The following MESD variants were observed in gnomAD, a reference collection of about 807,000 sequenced individuals.
MESD encodes mesoderm development LRP chaperone.
In MESD, 7 loss-of-function variants were observed where a neutral mutation model predicts 12.9. That is an observed-to-expected ratio of 0.54 (90% CI 0.31 to 1.02). The LOEUF (loss-of-function observed/expected upper bound fraction) is 1.02. Among genes scored for constraint, MESD ranks in the 50% least tolerant of loss-of-function variants. The pLI is 0.05. For synonymous variants in MESD, 126 were observed against 115.6 expected, an observed-to-expected ratio of 1.09 and a Z score of -0.58; for missense variants, 342 against 296.7, an observed-to-expected ratio of 1.15 and a Z score of -1.12.
At chr15:80,947,082 G>A, downstream of MESD, 3 of 1,543,392 alleles carry the variant, frequency 1.9e-6, no homozygotes, top group Non-Finnish European at 2.7e-6. Context: ...GTTTGAACTG[G>A]GGTTTAAACT....
In MESD at chr15:80,989,713, G is replaced by C. The variant is rs778056925; in HGVS notation, c.79C>G (p.Pro27Ala). 34 of 1,609,632 alleles carry C rather than the reference G, an allele frequency of 2.1e-5. No individual in the cohort carries two copies. The highest frequency in any genetic ancestry group is 2.9e-5 in the Non-Finnish European group (34 of 1,179,964). ...TCGGCCGCGCAGGACCCAGGCGGTG[G>C]TAGCAGTAGCAGCAGCAGCAGCAGG... ...SDLLLLLLLLPPPGSCAAEGS... is the reference protein window; with the variant it reads ...SDLLLLLLLLAPPGSCAAEGS... The change falls in exon 1 of 3, where the codon CCA (proline) becomes GCA (alanine). Residue 27 changes from proline (P) to alanine (A), a missense_variant. By Grantham distance (27) the Pro-to-Ala change is conservative. Coordinates refer to ENST00000261758, the MANE Select transcript of MESD (RefSeq NM_015154.3).
intron 3 of MESD, among the ~76,000 whole-genome samples, chr15:80,960,276 G>T (rs1902061850): frequency 6.6e-6 from 1 of 151,432 alleles, no homozygotes; most frequent in South Asian, 2.1e-4. Context: ...GAGGTGGGAG[G>T]ATCACCTGAG....
intron 2 of MESD, 124 bp downstream of exon 2, chr15:80,981,826 G>C: frequency 2.7e-6 from 2 of 733,756 alleles, no homozygotes; most frequent in Non-Finnish European, 4.4e-6. Context: ...CTGCACTCCA[G>C]CCTAGGCAAC....
chr15:80,957,441 AAAATT>A (rs1160910895), intron 3 of MESD, among the ~76,000 whole-genome samples: 2 of 152,218 alleles, frequency 1.3e-5, no homozygotes, highest in African/African-American at 2.4e-5. Flanking sequence ...CCAAGAAAAT[AAAATT>A]AAATTATTTG....
At chr15:80,970,080 T>G (rs1050977565) in intron 3 of MESD, among the ~76,000 whole-genome samples, 1 of 151,836 alleles carries the variant, frequency 6.6e-6, no homozygotes, top group Non-Finnish European at 1.5e-5. Context: ...GAGAGAGAGG[T>G]GTATGCAGAT....
chr15:80,950,147 C>G (rs779331312), intron 4 of MESD: 3 of 152,252 alleles, frequency 2.0e-5, no homozygotes, highest in African/African-American at 7.2e-5. Flanking sequence ...TCCAGGAGAC[C>G]CTAGATGTGC....
intron 3 of MESD, chr15:80,970,536 T>C (rs1034325994): frequency 2.6e-5 from 4 of 152,262 alleles, no homozygotes; most frequent in African/African-American, 9.6e-5. Flanking sequence ...AGTGTTGTAC[T>C]TTCTGACATC....
intron 4 of MESD, chr15:80,948,981 C>A: frequency 6.2e-7 from 1 of 1,610,218 alleles, no homozygotes; most frequent in East Asian, 2.2e-5. Flanking sequence ...CTCTTGGCAG[C>A]AGACCAGTGG....
rs768261085 is a variant in MESD, at chr15:80,979,495, A to G, written c.447-18T>C. 6.2e-7 allele frequency: 1 copy of G among 1,610,766 alleles called. No homozygotes were observed. The highest frequency in any genetic ancestry group is 8.5e-7 in the Non-Finnish European group (1 of 1,177,420). Reference sequence around the variant, plus strand: ...CAATGAACCTTGGGCAGAGAGATGCAATCAGTCAGCCAGCACGTACTAGTA... The same window carrying G: ...CAATGAACCTTGGGCAGAGAGATGCGATCAGTCAGCCAGCACGTACTAGTA... On this transcript the variant is annotated intron_variant, in intron 2 of 2. Coordinates refer to ENST00000261758, the MANE Select transcript of MESD (RefSeq NM_015154.3).
chr15:80,976,378 T>A lies in MESD; in HGVS notation c.*2841A>T, dbSNP rs760417194. Reference sequence around the variant, plus strand: ...TGGCTCCCCTCAGTGTCAACTAGGATTGCTTGAAGGCTGGGGCTGGAAATG... The same window carrying A: ...TGGCTCCCCTCAGTGTCAACTAGGAATGCTTGAAGGCTGGGGCTGGAAATG... On this transcript the variant is annotated 3_prime_UTR_variant, in exon 3 of 3. Transcript: ENST00000261758. 4 of 152,422 alleles carry A rather than the reference T, an allele frequency of 2.6e-5. No homozygotes were observed. The highest frequency in any genetic ancestry group is 4.4e-5 in the Non-Finnish European group (3 of 68,070). The allele number at this position is 152,422 out of a possible 1,614,324, so 9.4% of individuals were successfully genotyped here.
chr15:80,949,185 C>T (rs1237670239), intron 4 of MESD: 3 of 517,204 alleles, frequency 5.8e-6, no homozygotes, highest in African/African-American at 5.8e-5. Context: ...TTGGGTGCTT[C>T]TCTCCTATCT....
chr15:80,973,925 G>A (rs546022641), downstream of MESD, among the ~76,000 whole-genome samples: 8 of 152,208 alleles, frequency 5.3e-5, no homozygotes, highest in African/African-American at 1.9e-4. Context: ...TCCGGAGATC[G>A]GAAGAGAAAG....
rs112469803 is a variant in MESD, at chr15:80,961,821, A to G, written c.*289-9525T>C. Among the ~76,000 whole-genome samples, 4 of 152,354 alleles carry G rather than the reference A, an allele frequency of 2.6e-5. 1 individual carries two copies. Among genetic ancestry groups the G allele is most frequent in the African/African-American group, 9.6e-5 (4 of 41,588 alleles). On this transcript the variant is annotated intron_variant, in intron 3 of 4. Transcript: ENST00000561312. ...ATTTTGTCACCACCAGGCCTGCCTT[A>G]CAAGAGCTCCTGAAGGAAGCATTAA...
intron 3 of MESD, among the ~76,000 whole-genome samples, chr15:80,969,675 T>C (rs1902245495): frequency 6.6e-6 from 1 of 152,044 alleles, no homozygotes; most frequent in Non-Finnish European, 1.5e-5. Context: ...GCCAATATAG[T>C]GAAACCCCGT....
chr15:80,948,395 G>C, exon 5 of MESD: 1 of 329,648 alleles, frequency 3.0e-6, no homozygotes, highest in Non-Finnish European at 6.0e-6. Flanking sequence ...AGATCTTGTA[G>C]ATCAATGCCA....
chr15:80,986,201 C>A (rs1351884143), intron 1 of MESD, among the ~76,000 whole-genome samples: 2 of 152,050 alleles, frequency 1.3e-5, no homozygotes, highest in Non-Finnish European at 2.9e-5. Context: ...CCTTCGTATG[C>A]GGACCTAAAA....
At chr15:80,963,225 C>T (rs1902118759) in intron 3 of MESD, among the ~76,000 whole-genome samples, 1 of 152,186 alleles carries the variant, frequency 6.6e-6, no homozygotes, top group Non-Finnish European at 1.5e-5. Flanking sequence ...ACTAGAAAAT[C>T]TAGAAGAAAT....
downstream of MESD, among the ~76,000 whole-genome samples, chr15:80,971,739 G>A (rs182888440): frequency 1.3e-4 from 20 of 151,158 alleles, no homozygotes; most frequent in East Asian, 3.1e-3. Context: ...AGATCCTCCC[G>A]CCTCAACCTC....
downstream of MESD, among the ~76,000 whole-genome samples, chr15:80,974,179 G>A (rs577471518): frequency 3.4e-4 from 52 of 152,264 alleles, no homozygotes; most frequent in Non-Finnish European, 6.5e-4. Context: ...TCTCCTTTCC[G>A]GTTCAGCTAT....
Sources: allele counts gnomAD v4.1 joint callset (sites outside exome capture counted in the v4.1 genomes callset), GRCh38; gene constraint gnomAD v4.1.1; transcripts MANE v1.5; gene names NCBI Gene and HGNC (gene_info 2026-07-23, HGNC 2026-07-21).